Variants in HHIP observed in about 807,000 individuals in gnomAD.
HHIP encodes the protein hedgehog-interacting protein.
Under a neutral mutation model 74.0 loss-of-function variants are expected in HHIP, and 12 were observed. That is an observed-to-expected ratio of 0.16 (90% CI 0.10 to 0.26). The LOEUF is 0.26. HHIP is among the 10% of genes least tolerant of loss of function. The probability of loss-of-function intolerance (pLI) is 1.00; values close to 1 mark genes in which losing one functional copy is unlikely to be tolerated. For synonymous variants in HHIP, 309 were observed against 311.6 expected (o/e 0.99, Z 0.09); for missense variants, 788 against 845.0 (o/e 0.93, Z 0.84).
intron 11 of HHIP, among the ~76,000 whole-genome samples, chr4:144,721,106 C>A (rs948294058): frequency 6.6e-6 from 1 of 152,028 alleles, no homozygotes; most frequent in African/African-American, 2.4e-5. Flanking sequence ...TATTCTCATA[C>A]CAAAACCCCC....
rs1384551623 is a variant in HHIP at position 144,658,905 on chromosome 4, G to A, written c.588G>A (p.Leu196=). 5.0e-6 allele frequency: 8 copies of A among 1,613,058 alleles called. No homozygotes were observed. Among genetic ancestry groups the A allele is most frequent in the Admixed American group, 1.7e-5 (1 of 59,946 alleles). ...KQVRGPASNY[L]DQMEEYDKVE... is the part of the protein sequence containing the mutation. ...TCAGAGGACCAGCATCTAACTACTT[G>A]GACCAGATGGAAGAATATGACAAAG... Residue 196 remains leucine (L), a synonymous_variant, in exon 3 of 13, where the codon TTG becomes TTA. Transcript: ENST00000296575.
At chr4:144,671,776 A>T (rs1488203016) in intron 4 of HHIP, among the ~76,000 whole-genome samples, 1 of 152,128 alleles carries the variant, frequency 6.6e-6, no homozygotes, top group African/African-American at 2.4e-5. Flanking sequence ...CAAGATCAGG[A>T]GTTCGAGACC....
intron 11 of HHIP, among the ~76,000 whole-genome samples, chr4:144,725,668 G>GTGTT (rs1730777928): frequency 6.6e-6 from 1 of 151,412 alleles, no homozygotes; most frequent in South Asian, 2.1e-4. Context: ...GCGTGCGTGT[G>GTGTT]TGTGTGTGTG....
chr4:144,693,562 C>T (rs569632303), intron 4 of HHIP, among the ~76,000 whole-genome samples: 4 of 152,020 alleles, frequency 2.6e-5, no homozygotes, highest in Non-Finnish European at 2.9e-5. Context: ...GTTATTTGTA[C>T]TCCTCAGAGT....
intron 4 of HHIP, among the ~76,000 whole-genome samples, chr4:144,665,128 G>A (rs1487768310): frequency 6.6e-6 from 1 of 152,154 alleles, no homozygotes; most frequent in African/African-American, 2.4e-5. Context: ...GCTGCCGAGT[G>A]CAGTGGTGCG....
chr4:144,729,137 T>C (rs772294470), intron 11 of HHIP, among the ~76,000 whole-genome samples: 1 of 152,196 alleles, frequency 6.6e-6, no homozygotes, highest in African/African-American at 2.4e-5. Context: ...ATACTAGCAC[T>C]TATTCCTATT....
intron 11 of HHIP, among the ~76,000 whole-genome samples, chr4:144,727,930 T>C (rs1461796668): frequency 1.3e-5 from 2 of 152,208 alleles, no homozygotes; most frequent in African/African-American, 4.8e-5. Context: ...CAGAATTCTC[T>C]GTAACTAGCT....
At chr4:144,733,493 T>C (rs574392833) in intron 11 of HHIP, among the ~76,000 whole-genome samples, 1 of 152,162 alleles carries the variant, frequency 6.6e-6, no homozygotes, top group Non-Finnish European at 1.5e-5. Flanking sequence ...TCATCACTGT[T>C]CATATTGCCA....
chr4:144,717,655 C>A (rs1008229458), intron 10 of HHIP, among the ~76,000 whole-genome samples: 3 of 151,974 alleles, frequency 2.0e-5, no homozygotes, highest in Admixed American at 1.3e-4. Flanking sequence ...TAAAAGAGTA[C>A]CCCATCTGTT....
intron 11 of HHIP, among the ~76,000 whole-genome samples, chr4:144,730,872 T>C (rs1730935293): frequency 6.6e-6 from 1 of 152,292 alleles, no homozygotes; most frequent in South Asian, 2.1e-4. Context: ...CCAAAAATCT[T>C]TGTCAGACGT....
chr4:144,708,758 C>G (rs193138242), intron 7 of HHIP, among the ~76,000 whole-genome samples: 9 of 152,228 alleles, frequency 5.9e-5, no homozygotes, highest in African/African-American at 1.7e-4. Context: ...AAGTAAAGTA[C>G]CAAATAGTGT....
chr4:144,676,488 A>T (rs1441226325), intron 4 of HHIP, among the ~76,000 whole-genome samples: 1 of 152,202 alleles, frequency 6.6e-6, no homozygotes, highest in African/African-American at 2.4e-5. Flanking sequence ...ATGAAAGTAA[A>T]TTTATGGTTG....
chr4:144,671,672 C>T (rs1390428473), intron 4 of HHIP, among the ~76,000 whole-genome samples: 2 of 152,126 alleles, frequency 1.3e-5, no homozygotes, highest in African/African-American at 2.4e-5. Context: ...TCATGACGGC[C>T]TCATCTATGA....
Position 144,714,318 on chromosome 4 carries a change from A to G in HHIP, c.1517A>G (p.Tyr506Cys). ...VYRGCQSERL[Y>C]GSYVFGDRNG... Reference sequence around the variant, plus strand: ...CGGGGCTGCCAGTCAGAAAGATTGTATGGAAGCTACGTGTTTGGAGATCGT... The same window carrying G: ...CGGGGCTGCCAGTCAGAAAGATTGTGTGGAAGCTACGTGTTTGGAGATCGT... Residue 506 changes from tyrosine to cysteine, a missense_variant, in exon 9 of 13, where the codon TAT (tyrosine) becomes TGT (cysteine). Tyr to Cys is a radical substitution (Grantham distance 194, BLOSUM62 -2). Coordinates refer to ENST00000296575, the MANE Select transcript of HHIP (RefSeq NM_022475.3). 6.2e-7 allele frequency: 1 copy of G among 1,613,490 alleles called. No individual in the cohort carries two copies. Among genetic ancestry groups the G allele is most frequent in the Non-Finnish European group, 8.5e-7 (1 of 1,179,606 alleles).
chr4:144,664,557 T>C (rs184503654), intron 4 of HHIP, among the ~76,000 whole-genome samples: 10 of 152,276 alleles, frequency 6.6e-5, no homozygotes, highest in African/African-American at 2.2e-4. Context: ...TTGAGTGAAA[T>C]GAATCAAAGC....
intron 11 of HHIP, among the ~76,000 whole-genome samples, chr4:144,724,771 T>G (rs928904507): frequency 6.7e-6 from 1 of 150,120 alleles, no homozygotes; most frequent in African/African-American, 2.4e-5. Flanking sequence ...GACCACAGCA[T>G]TCAAAGGAAT....
chr4:144,712,175 A>G, intron 8 of HHIP, 104 bp downstream of exon 8: 1 of 1,046,844 alleles, frequency 9.6e-7, no homozygotes, highest in African/African-American at 1.6e-5. Flanking sequence ...CATTTGGGAA[A>G]GCATAAAAAC....
At chr4:144,666,533 G>T (rs1021435588) in intron 4 of HHIP, among the ~76,000 whole-genome samples, 1 of 152,166 alleles carries the variant, frequency 6.6e-6, no homozygotes, top group Non-Finnish European at 1.5e-5. Context: ...AGGCCCACAT[G>T]TTAAGGAAAC....
At chr4:144,647,028 G>A in intron 1 of HHIP, 74 bp downstream of exon 1, 4 of 1,386,018 alleles carry the variant, frequency 2.9e-6, no homozygotes, top group East Asian at 4.6e-5. Context: ...CTCTGGCAAA[G>A]CCGGTGGTTG....
Sources: gnomAD v4.1 joint callset for allele counts (sites outside exome capture counted in the v4.1 genomes callset) on GRCh38, gnomAD v4.1.1 for gene constraint, MANE v1.5 for transcripts, NCBI Gene and HGNC (gene_info 2026-07-23, HGNC 2026-07-21) for gene names.